Variants in CACNB2 observed in about 807,000 individuals in gnomAD.
CACNB2 encodes the protein voltage-dependent L-type calcium channel subunit beta-2.
CACNB2 carries 42 observed loss-of-function variants against 73.3 expected under a neutral mutation model. The ratio of observed to expected loss-of-function variants is 0.57; its 90% CI spans 0.45 to 0.74. The LOEUF is 0.74. CACNB2 is among the 30% of genes least tolerant of loss of function. The pLI is 0.00. For missense variants in CACNB2, 940 were observed against 853.0 expected (o/e 1.10, Z -1.27); for synonymous variants, 348 against 310.3 (o/e 1.12, Z -1.28).
In CACNB2 at chr10:18,401,050, A is replaced by G. The variant is rs370040046; in HGVS notation, c.214-874A>G. On this transcript the variant is annotated intron_variant, in intron 2 of 13. Coordinates refer to ENST00000324631, the MANE Select transcript of CACNB2 (RefSeq NM_201596.3). Reference sequence around the variant, plus strand: ...CTGGCTCATGAAGGCCACCTGGATCAGGCTTCTGAAAAGAGCCAAGGGAGG... The same window carrying G: ...CTGGCTCATGAAGGCCACCTGGATCGGGCTTCTGAAAAGAGCCAAGGGAGG... 1.3e-5 allele frequency: 21 copies of G among 1,614,096 alleles called. No individual in the cohort carries two copies. Among genetic ancestry groups the G allele is most frequent in the Non-Finnish European group, 1.7e-5 (20 of 1,180,046 alleles).
chr10:18,473,162 C>G (rs1015644998), intron 3 of CACNB2, among the ~76,000 whole-genome samples: 1 of 152,184 alleles, frequency 6.6e-6, no homozygotes, highest in African/African-American at 2.4e-5. Flanking sequence ...TTAGCTCCAC[C>G]CACTGGCAAT....
intron 2 of CACNB2, among the ~76,000 whole-genome samples, chr10:18,185,994 C>G (rs1187541126): frequency 6.6e-6 from 1 of 152,048 alleles, no homozygotes; most frequent in African/African-American, 2.4e-5. Flanking sequence ...TCAAAGAAAG[C>G]TTCTTTTAGT....
At chr10:18,365,881 A>C (rs2042324760) in intron 2 of CACNB2, among the ~76,000 whole-genome samples, 1 of 152,190 alleles carries the variant, frequency 6.6e-6, no homozygotes, top group Non-Finnish European at 1.5e-5. Flanking sequence ...AATGTATAGA[A>C]CTATCTTTGT....
At chr10:18,460,688 C>G (rs112049194) in intron 3 of CACNB2, among the ~76,000 whole-genome samples, 1 of 151,896 alleles carries the variant, frequency 6.6e-6, no homozygotes, top group Non-Finnish European at 1.5e-5. Flanking sequence ...CCCAGGAGTT[C>G]GAGAGCAGCC....
At chr10:18,232,816 A>C (rs927579790) in intron 2 of CACNB2, among the ~76,000 whole-genome samples, 1 of 152,164 alleles carries the variant, frequency 6.6e-6, no homozygotes, top group Admixed American at 6.5e-5. Flanking sequence ...GGCTGGGTGC[A>C]GTGGCTCATG....
chr10:18,291,249 T>C (rs923559873), intron 2 of CACNB2, among the ~76,000 whole-genome samples: 1 of 152,238 alleles, frequency 6.6e-6, no homozygotes, highest in African/African-American at 2.4e-5. Flanking sequence ...CAACAGCAGC[T>C]AATCTACAAG....
At chr10:18,425,866 A>G (rs2045573512) in intron 3 of CACNB2, among the ~76,000 whole-genome samples, 1 of 152,088 alleles carries the variant, frequency 6.6e-6, no homozygotes, top group Non-Finnish European at 1.5e-5. Context: ...TTCCAGAGCT[A>G]TTTTTTGAAT....
chr10:18,154,292 T>TAA (rs559529942), intron 2 of CACNB2, among the ~76,000 whole-genome samples: 5 of 137,568 alleles, frequency 3.6e-5, no homozygotes, highest in South Asian at 4.7e-4. Flanking sequence ...TTAAGAACTT[T>TAA]AAAAAAAAAA....
intron 2 of CACNB2, among the ~76,000 whole-genome samples, chr10:18,268,598 T>C (rs2037914294): frequency 6.6e-6 from 1 of 152,138 alleles, no homozygotes; most frequent in Non-Finnish European, 1.5e-5. Context: ...TGAGTAGAGG[T>C]CTAAAAGACT....
intron 2 of CACNB2, among the ~76,000 whole-genome samples, chr10:18,356,938 A>ATGTCCTT (rs1436280481): frequency 1.1e-5 from 1 of 94,446 alleles, no homozygotes; most frequent in Non-Finnish European, 2.2e-5. Flanking sequence ...CCCAGACTCA[A>ATGTCCTT]TTTCTTTTTT....
At chr10:18,382,548 C>G (rs1351931569) in intron 2 of CACNB2, among the ~76,000 whole-genome samples, 1 of 152,128 alleles carries the variant, frequency 6.6e-6, no homozygotes, top group African/African-American at 2.4e-5. Flanking sequence ...CCCTTCCCCA[C>G]CCACCAACAG....
At chr10:18,254,794 A>G (rs1201616136) in intron 2 of CACNB2, among the ~76,000 whole-genome samples, 1 of 152,226 alleles carries the variant, frequency 6.6e-6, no homozygotes, top group Non-Finnish European at 1.5e-5. Context: ...CACTGACATG[A>G]AAACAAAGGT....
intron 6 of CACNB2, chr10:18,513,065 C>A: frequency 6.4e-6 from 1 of 157,248 alleles, no homozygotes; most frequent in South Asian, 1.8e-4. Flanking sequence ...TATAGTGGAT[C>A]ACACCGGCAG....
intron 3 of CACNB2, among the ~76,000 whole-genome samples, chr10:18,451,655 C>T (rs1454430894): frequency 6.6e-6 from 1 of 152,220 alleles, no homozygotes; most frequent in Non-Finnish European, 1.5e-5. Context: ...GGAAACTTCT[C>T]ACCTGCAAGG....
chr10:18,299,350 T>C (rs1298637241), intron 2 of CACNB2, among the ~76,000 whole-genome samples: 8 of 152,110 alleles, frequency 5.3e-5, no homozygotes, highest in Admixed American at 4.6e-4. Flanking sequence ...AAGTAGGGCC[T>C]GGGAAAGTGT....
At chr10:18,457,773 C>G (rs1159046574) in intron 3 of CACNB2, among the ~76,000 whole-genome samples, 3 of 152,016 alleles carry the variant, frequency 2.0e-5, no homozygotes, top group Non-Finnish European at 4.4e-5. Flanking sequence ...GCCTGAAATC[C>G]CAGCTACGTG....
chr10:18,415,650 TTCTC>T (rs1032756169), intron 3 of CACNB2, among the ~76,000 whole-genome samples: 1 of 152,166 alleles, frequency 6.6e-6, no homozygotes, highest in African/African-American at 2.4e-5. Context: ...AGCAATGTGA[TTCTC>T]TCTAAGGTTA....
At chr10:18,417,694 G>T (rs767922662) in intron 3 of CACNB2, among the ~76,000 whole-genome samples, 1 of 152,214 alleles carries the variant, frequency 6.6e-6, no homozygotes, top group African/African-American at 2.4e-5. Flanking sequence ...CAGGATGTCT[G>T]TGTATATCCT....
chr10:18,204,976 G>GA (rs80197923), intron 2 of CACNB2, among the ~76,000 whole-genome samples: 88,512 of 126,066 alleles, frequency 0.7, 30,889 homozygotes, highest in Non-Finnish European at 0.81. Context: ...AACTTTACCA[G>GA]AAAAAAAAAA....
Sources: gnomAD v4.1 joint callset for allele counts (sites outside exome capture counted in the v4.1 genomes callset) on GRCh38, gnomAD v4.1.1 for gene constraint, MANE v1.5 for transcripts, NCBI Gene and HGNC (gene_info 2026-07-23, HGNC 2026-07-21) for gene names.